Variants in ACBD6 observed in about 807,000 individuals in gnomAD.
The protein encoded by ACBD6 is acyl-CoA-binding domain-containing protein 6.
In ACBD6, 28 loss-of-function variants were observed where a neutral mutation model predicts 37.2. The observed-to-expected ratio is 0.75, with a 90% CI of 0.56 to 1.03. The LOEUF (loss-of-function observed/expected upper bound fraction) is 1.03. Ranked by LOEUF, ACBD6 falls within the 50% of genes least tolerant of loss-of-function variation. The pLI is 0.00. For synonymous variants in ACBD6, 113 were observed against 126.8 expected (o/e 0.89, Z 0.73); for missense variants, 340 against 337.4 (o/e 1.01, Z -0.06).
Position 180,277,857 on chromosome 1 carries a change from C to T in ACBD6, c.*175-2445G>A, listed in dbSNP as rs1251721210. 3.2e-5 allele frequency: 4 copies of T among 124,958 alleles called. No individual in the cohort carries two copies. The Admixed American group carries it at 3.6e-4, about 11-fold the overall frequency. 7.7% of individuals were successfully genotyped at this position (124,958 alleles called of 1,614,324 possible). A position where few individuals can be genotyped will look rare whatever the true frequency, so the allele number is the denominator to read the frequency against. On this transcript the variant is annotated intron_variant, in intron 9 of 13. Coordinates refer to the ACBD6 transcript ENST00000642319. ...ATTAAGCCACAAGAAAACCATTTGGCAGTGTCCTTAAACTTTTTTTGGGGG... is the reference window on the plus strand; with the variant it reads ...ATTAAGCCACAAGAAAACCATTTGGTAGTGTCCTTAAACTTTTTTTGGGGG...
At chr1:180,405,745 T>C (rs1647597025) in intron 5 of ACBD6, among the ~76,000 whole-genome samples, 2 of 152,182 alleles carry the variant, frequency 1.3e-5, no homozygotes, top group Admixed American at 1.3e-4. Context: ...GCCTGATGTT[T>C]GATAGCAAAT....
intron 6 of ACBD6, among the ~76,000 whole-genome samples, chr1:180,387,005 A>T (rs779347634): frequency 6.6e-6 from 1 of 152,132 alleles, no homozygotes; most frequent in Non-Finnish European, 1.5e-5. Flanking sequence ...TATTCTATTT[A>T]AATCTTCTAG....
At chr1:180,425,816 G>A (rs978521895) in intron 4 of ACBD6, among the ~76,000 whole-genome samples, 3 of 151,882 alleles carry the variant, frequency 2.0e-5, no homozygotes, top group Non-Finnish European at 4.4e-5. Flanking sequence ...TGCATGACAG[G>A]CTTTTATGCT....
intron 3 of ACBD6, among the ~76,000 whole-genome samples, chr1:180,485,977 T>C (rs1651249298): frequency 6.6e-6 from 1 of 152,108 alleles, no homozygotes; most frequent in African/African-American, 2.4e-5. Flanking sequence ...TGGATTTTTA[T>C]ATCCCACTGA....
At chr1:180,380,345 T>C (rs537068421) in intron 6 of ACBD6, among the ~76,000 whole-genome samples, 1 of 152,210 alleles carries the variant, frequency 6.6e-6, no homozygotes, top group African/African-American at 2.4e-5. Context: ...TCTAATCACC[T>C]ATACAGGAAC....
chr1:180,341,068 T>G (rs556836987), intron 6 of ACBD6, among the ~76,000 whole-genome samples: 53 of 152,224 alleles, frequency 3.5e-4, no homozygotes, highest in Non-Finnish European at 6.3e-4. Flanking sequence ...ATTTAGCTGC[T>G]TGGGTGGAGG....
At chr1:180,430,108 CACAT>C in intron 4 of ACBD6, 68 bp downstream of exon 4, 1 of 1,274,780 alleles carries the variant, frequency 7.8e-7, no homozygotes, top group South Asian at 1.2e-5. Flanking sequence ...CATACATAAG[CACAT>C]ACATACAAAC....
chr1:180,351,281 T>A (rs60550632), intron 6 of ACBD6, among the ~76,000 whole-genome samples: 1 of 2,214 alleles, frequency 4.5e-4, no homozygotes, highest in South Asian at 0.036. Context: ...AGATATTACG[T>A]TTTTTTTTTT....
At chr1:180,314,101 T>C (rs1167372126) in intron 7 of ACBD6, among the ~76,000 whole-genome samples, 1 of 152,196 alleles carries the variant, frequency 6.6e-6, no homozygotes, top group Admixed American at 6.5e-5. Flanking sequence ...TTTAACATCT[T>C]TCTTGTCACT....
chr1:180,351,580 ACGTT>A (rs1226756253), intron 6 of ACBD6, among the ~76,000 whole-genome samples: 9 of 107,732 alleles, frequency 8.4e-5, no homozygotes, highest in African/African-American at 3.0e-4. Context: ...GCCCGATATT[ACGTT>A]TTTTTTTTTT....
chr1:180,282,137 T>C (rs1412802003), intron 8 of ACBD6, among the ~76,000 whole-genome samples: 2 of 152,230 alleles, frequency 1.3e-5, no homozygotes, highest in African/African-American at 4.8e-5. Context: ...GTAATTAAAT[T>C]GGGCAAGTTA....
chr1:180,365,871 T>C (rs1313386585), intron 6 of ACBD6, among the ~76,000 whole-genome samples: 1 of 152,198 alleles, frequency 6.6e-6, no homozygotes, highest in African/African-American at 2.4e-5. Flanking sequence ...CTTATCTTTT[T>C]CCCATCTTTC....
chr1:180,279,189 G>T (rs1649226331), intron 9 of ACBD6, among the ~76,000 whole-genome samples: 1 of 152,164 alleles, frequency 6.6e-6, no homozygotes. Flanking sequence ...AAGTTCCCTG[G>T]TTTTTCTAAT....
chr1:180,345,092 T>TA (rs1334455400), intron 6 of ACBD6, among the ~76,000 whole-genome samples: 1 of 152,224 alleles, frequency 6.6e-6, no homozygotes, highest in Non-Finnish European at 1.5e-5. Flanking sequence ...ATATTTGTAT[T>TA]AATTTACCGA....
At chr1:180,274,340 C>G in intron 10 of ACBD6, 1 of 1,614,238 alleles carries the variant, frequency 6.2e-7, no homozygotes, top group Non-Finnish European at 8.5e-7. Flanking sequence ...TGGAATCCCC[C>G]AGTCTCCATC....
intron 3 of ACBD6, among the ~76,000 whole-genome samples, chr1:180,465,312 T>C (rs912879778): frequency 6.6e-6 from 1 of 151,732 alleles, no homozygotes; most frequent in Non-Finnish European, 1.5e-5. Flanking sequence ...CTTAAACAGA[T>C]CAACAAGCGA....
At chr1:180,402,084 T>C (rs750402678) in intron 5 of ACBD6, among the ~76,000 whole-genome samples, 11 of 152,170 alleles carry the variant, frequency 7.2e-5, no homozygotes, top group Non-Finnish European at 1.6e-4. Context: ...CAATTTATAA[T>C]TGTAGTAGAG....
intron 7 of ACBD6, among the ~76,000 whole-genome samples, chr1:180,302,756 T>A (rs1471084943): frequency 1.3e-5 from 2 of 150,340 alleles, no homozygotes; most frequent in East Asian, 3.9e-4. Flanking sequence ...CAAGAGGACC[T>A]AATAGACATC....
Position 180,488,876 on chromosome 1 carries a change from T to C in ACBD6, c.384+3393A>G, listed in dbSNP as rs188929673. ...AATTACAGGAGTGAGCCACCACACC[T>C]GGCCTTAGCTGGCTAATTTTAGGCA... On this transcript the variant is annotated intron_variant, in intron 3 of 7. Coordinates refer to ENST00000367595, the MANE Select transcript of ACBD6 (RefSeq NM_032360.4). 4.5e-4 allele frequency among the ~76,000 whole-genome samples: 68 copies of C among 152,262 alleles called. No homozygotes were observed. In the East Asian group the frequency reaches 0.011, roughly 25 times the overall value.
Sources: gnomAD v4.1 joint callset for allele counts (sites outside exome capture counted in the v4.1 genomes callset) on GRCh38, gnomAD v4.1.1 for gene constraint, MANE v1.5 for transcripts, NCBI Gene and HGNC (gene_info 2026-07-23, HGNC 2026-07-21) for gene names.